Variants in PIWIL2 observed in about 807,000 individuals in gnomAD.
The protein encoded by PIWIL2 is piwi like RNA-mediated gene silencing 2.
A neutral mutation model predicts 116.5 loss-of-function variants in PIWIL2; 81 were observed. The ratio of observed to expected loss-of-function variants is 0.70; its 90% CI spans 0.58 to 0.84. The LOEUF is 0.84. PIWIL2 is among the 40% of genes least tolerant of loss of function. The pLI, the probability that PIWIL2 is intolerant of heterozygous loss-of-function variation, is 0.00. For synonymous variants in PIWIL2, 489 were observed against 429.5 expected, an observed-to-expected ratio of 1.14 and a Z score of -1.71; for missense variants, 1,272 against 1,212.3, an observed-to-expected ratio of 1.05 and a Z score of -0.73.
chr8:22,322,103 C>T (rs1001436197), intron 20 of PIWIL2: 2 of 348,588 alleles, frequency 5.7e-6, no homozygotes, highest in Admixed American at 1.3e-4. Flanking sequence ...ATACATCCTT[C>T]ATCCAGTTTT....
chr8:22,325,461 G>GCAT (rs1831700933), intron 20 of PIWIL2, among the ~76,000 whole-genome samples: 1 of 147,458 alleles, frequency 6.8e-6, no homozygotes, highest in African/African-American at 2.5e-5. Context: ...CTAAAATGAT[G>GCAT]CATTATCTTT....
chr8:22,303,239 C>T (rs1831093544), intron 10 of PIWIL2, among the ~76,000 whole-genome samples: 2 of 152,064 alleles, frequency 1.3e-5, no homozygotes, highest in African/African-American at 2.4e-5. Context: ...TACAAACACA[C>T]CAGTGTATGT....
At chr8:22,355,036 C>G (rs1163171097) in intron 22 of PIWIL2, among the ~76,000 whole-genome samples, 1 of 150,964 alleles carries the variant, frequency 6.6e-6, no homozygotes, top group African/African-American at 2.4e-5. Context: ...TGCCATTGCA[C>G]TCCAGCCTGG....
Position 22,315,116 on chromosome 8 carries a change from G to T in PIWIL2, c.2179G>T (p.Gly727Cys). The change falls in exon 18 of 23, where the codon GGT (glycine) becomes TGT (cysteine). Residue 727 changes from glycine (G) to cysteine (C), a missense_variant. Gly to Cys is a radical substitution (Grantham distance 159). Coordinates refer to ENST00000356766, the MANE Select transcript of PIWIL2 (RefSeq NM_018068.5). ...ACTTCAGATTAACTGTAAATTGGGT[G>T]GTGAGCTCTGGGGAGTGGATATTCC... is the stretch of plus-strand genomic sequence containing the variant. Reference protein sequence around the residue: ...ILLQINCKLGGELWGVDIPLK... With the variant: ...ILLQINCKLGCELWGVDIPLK... 1 of 1,607,584 alleles carries T rather than the reference G, an allele frequency of 6.2e-7. No individual in the cohort carries two copies. The highest frequency in any genetic ancestry group is 1.1e-5 in the South Asian group (1 of 90,946).
rs1258410613 is a variant in PIWIL2, at chr8:22,355,421, T to C, written c.2838T>C (p.Tyr946=). 6.2e-7 allele frequency: 1 copy of C among 1,614,176 alleles called. No individual in the cohort carries two copies. Among genetic ancestry groups the C allele is most frequent in the Non-Finnish European group, 8.5e-7 (1 of 1,179,998 alleles). The change falls in exon 23 of 23, where the codon TAT becomes TAC. Residue 946 remains tyrosine (Y), a synonymous_variant. Coordinates refer to ENST00000356766, the MANE Select transcript of PIWIL2 (RefSeq NM_018068.5). ...GTIRVPAPCK[Y]AHKLAFLSGH... ...TCAGAGTTCCAGCTCCTTGCAAGTA[T>C]GCCCACAAGCTAGCTTTCCTGTCAG...
rs1289982479 is a variant in PIWIL2 at position 22,282,235 on chromosome 8, C to T, written c.425+720C>T. Among the ~76,000 whole-genome samples, 9 of 146,228 alleles carry T rather than the reference C, an allele frequency of 6.2e-5. No homozygotes were observed. The South Asian group carries it at 6.7e-4, about 11-fold the overall frequency. Reference sequence around the variant, plus strand: ...AGCTGGGACTACAGGTGTGCGCCACCACACCCGGCTTTTTTTTTTTTTTTT... The same window carrying T: ...AGCTGGGACTACAGGTGTGCGCCACTACACCCGGCTTTTTTTTTTTTTTTT... On this transcript the variant is annotated intron_variant, in intron 4 of 22. Transcript: ENST00000356766.
In PIWIL2 at chr8:22,287,737, C is replaced by T. The variant is rs562893432; in HGVS notation, c.861+92C>T. 2.7e-5 allele frequency: 22 copies of T among 810,536 alleles called. 1 individual carries two copies. The East Asian group carries it at 4.4e-4, about 16-fold the overall frequency. 50.2% of individuals were successfully genotyped at this position (810,536 alleles called of 1,614,324 possible). Reference sequence around the variant, plus strand: ...TTTGCTTTTAAGAGATTGGGTCTTGCTATGTTGCCCAGACTGGTCTCGAAT... The same window carrying T: ...TTTGCTTTTAAGAGATTGGGTCTTGTTATGTTGCCCAGACTGGTCTCGAAT... On this transcript the variant is annotated intron_variant, in intron 7 of 22. Coordinates refer to ENST00000356766, the MANE Select transcript of PIWIL2 (RefSeq NM_018068.5).
rs553928901 is a variant in PIWIL2, at chr8:22,296,642, A to G, written c.1181+6296A>G. On this transcript the variant is annotated intron_variant, in intron 10 of 22. Coordinates refer to ENST00000356766, the MANE Select transcript of PIWIL2 (RefSeq NM_018068.5). ...CCTTGCTTTTAGATTTACTGTTGAA[A>G]GATCTAAAGCTGTTTTAATTTCTGA... is the stretch of plus-strand genomic sequence containing the variant. Among the ~76,000 whole-genome samples the G allele has an allele frequency of 2.6e-5, 4 of 152,356 alleles. No individual in the cohort carries two copies. The East Asian group carries it at 5.8e-4, about 22-fold the overall frequency.
At chr8:22,334,351 A>G (rs1194971249) in intron 20 of PIWIL2, among the ~76,000 whole-genome samples, 1 of 151,412 alleles carries the variant, frequency 6.6e-6, no homozygotes, top group African/African-American at 2.4e-5. Flanking sequence ...GTGAAATCCC[A>G]TCTCTACTAA....
chr8:22,308,689 G>A (rs1831249816), intron 14 of PIWIL2, among the ~76,000 whole-genome samples: 1 of 152,096 alleles, frequency 6.6e-6, no homozygotes, highest in Non-Finnish European at 1.5e-5. Context: ...TAACGATGCA[G>A]TGTACATCCT....
chr8:22,343,777 C>CA (rs991019949), intron 20 of PIWIL2, among the ~76,000 whole-genome samples: 7 of 152,320 alleles, frequency 4.6e-5, no homozygotes, highest in African/African-American at 1.7e-4. Context: ...AACGCTCACT[C>CA]ACGGCTGGTG....
intron 6 of PIWIL2, among the ~76,000 whole-genome samples, chr8:22,286,671 G>T (rs1830636105): frequency 6.6e-6 from 1 of 151,968 alleles, no homozygotes; most frequent in African/African-American, 2.4e-5. Context: ...GCGCAGGCCG[G>T]AGTGCAGTGG....
chr8:22,313,189 C>G (rs1831374270), intron 16 of PIWIL2, among the ~76,000 whole-genome samples: 1 of 152,174 alleles, frequency 6.6e-6, no homozygotes, highest in Admixed American at 6.5e-5. Context: ...CTTGCTCTGT[C>G]TGTTCATCTT....
chr8:22,327,211 G>C (rs1292304125), intron 20 of PIWIL2, among the ~76,000 whole-genome samples: 1 of 150,632 alleles, frequency 6.6e-6, no homozygotes, highest in African/African-American at 2.4e-5. Context: ...GTTTTGTTTT[G>C]TTTTTAGTAG....
At chr8:22,282,101 G>A (rs1369534780) in intron 4 of PIWIL2, among the ~76,000 whole-genome samples, 1 of 131,190 alleles carries the variant, frequency 7.6e-6, no homozygotes, top group Non-Finnish European at 1.7e-5. Flanking sequence ...TTTTTTAAGG[G>A]ATGGGGTCTC....
rs3992768 is a variant in PIWIL2, at chr8:22,330,697, A to AAAATAAATAAATAAAT, written c.2403+12454_2403+12469dup. ...GGGCAACAGAGTGAGACTCTGTCTCAAAATAAATAAATAAATAAATAAATA... is the reference window on the plus strand; with the variant it reads ...GGGCAACAGAGTGAGACTCTGTCTCAAAATAAATAAATAAATAAATAAATAAATAAATAAATAAATA... On this transcript the variant is annotated intron_variant, in intron 20 of 22. Transcript: ENST00000356766. Among the ~76,000 whole-genome samples, 498 of 137,154 alleles carry AAAATAAATAAATAAAT rather than the reference A, an allele frequency of 3.6e-3. 4 individuals carry two copies. Among genetic ancestry groups the AAAATAAATAAATAAAT allele is most frequent in the East Asian group, 0.015 (67 of 4,572 alleles). The allele number at this position is 137,154 out of a possible 152,430, so 90.0% of individuals were successfully genotyped here. A position where few individuals can be genotyped will look rare whatever the true frequency, so the allele number is the denominator to read the frequency against.
chr8:22,347,130 A>G (rs548205895), intron 20 of PIWIL2, among the ~76,000 whole-genome samples: 32 of 149,138 alleles, frequency 2.1e-4, no homozygotes, highest in African/African-American at 7.7e-4. Flanking sequence ...TCATCACACC[A>G]TTTTACTCCA....
chr8:22,319,512 G>A (rs1382380494), intron 20 of PIWIL2, among the ~76,000 whole-genome samples: 4 of 152,050 alleles, frequency 2.6e-5, no homozygotes, highest in African/African-American at 9.7e-5. Context: ...CATCCCACTG[G>A]GTTGTATCCT....
At chr8:22,304,659 T>G in intron 11 of PIWIL2, 125 bp from the exon 12 acceptor site, 2 of 576,070 alleles carry the variant, frequency 3.5e-6, no homozygotes, top group Non-Finnish European at 3.2e-6. Context: ...CGGTTTGCAG[T>G]GGCTCCTTGA....
Sources: allele counts gnomAD v4.1 joint callset (sites outside exome capture counted in the v4.1 genomes callset), GRCh38; gene constraint gnomAD v4.1.1; transcripts MANE v1.5; gene names NCBI Gene and HGNC (gene_info 2026-07-23, HGNC 2026-07-21).